The following FBXO10 variants were observed in gnomAD, a reference collection of about 807,000 sequenced individuals.
FBXO10 encodes F-box only protein 10.
A neutral mutation model predicts 80.7 loss-of-function variants in FBXO10; 39 were observed. That is an observed-to-expected ratio of 0.48 (90% CI 0.37 to 0.63). The LOEUF (loss-of-function observed/expected upper bound fraction) is 0.63, where lower values mean the gene tolerates loss of function less well. FBXO10 is among the 30% of genes least tolerant of loss of function. FBXO10 has a pLI of 0.00. For synonymous variants in FBXO10, 449 were observed against 489.6 expected, an observed-to-expected ratio of 0.92 and a Z score of 1.09; for missense variants, 1,025 against 1,269.0, an observed-to-expected ratio of 0.81 and a Z score of 2.92.
chr9:37,534,186 G>A (rs1310354608), intron 3 of FBXO10, among the ~76,000 whole-genome samples: 3 of 152,014 alleles, frequency 2.0e-5, no homozygotes, highest in Admixed American at 6.5e-5. Context: ...TATAAATTGT[G>A]TACTACTAAT....
rs148003884 is a variant in FBXO10 at position 37,536,996 on chromosome 9, G to A, written c.1419+114C>T. On this transcript the variant is annotated intron_variant, in intron 3 of 10. Coordinates refer to ENST00000432825, the MANE Select transcript of FBXO10 (RefSeq NM_012166.3). ...AATCAGATGATGGGCATGACGTCAAGCGTGCGTGAATAAGTTTAAAGAAAA... is the reference window on the plus strand; with the variant it reads ...AATCAGATGATGGGCATGACGTCAAACGTGCGTGAATAAGTTTAAAGAAAA... 2,148 of 752,470 alleles carry A rather than the reference G, an allele frequency of 2.9e-3. 11 individuals are homozygous for A. The highest frequency in any genetic ancestry group is 6.4e-3 in the South Asian group (336 of 52,352). 46.6% of individuals were successfully genotyped at this position (752,470 alleles called of 1,614,324 possible). A position where few individuals can be genotyped will look rare whatever the true frequency, so the allele number is the denominator to read the frequency against.
At chr9:37,555,103 T>C (rs1295638927) in intron 1 of FBXO10, among the ~76,000 whole-genome samples, 2 of 151,928 alleles carry the variant, frequency 1.3e-5, no homozygotes, top group African/African-American at 4.8e-5. Context: ...CAGGCTGGAG[T>C]GCTGTGGTGT....
chr9:37,540,616 T>C (rs981215139), intron 2 of FBXO10, among the ~76,000 whole-genome samples: 1 of 152,236 alleles, frequency 6.6e-6, no homozygotes, highest in South Asian at 2.1e-4. Flanking sequence ...CCTGCTTTAC[T>C]TTGAACCATC....
At chr9:37,552,449 C>T (rs1019489484) in intron 1 of FBXO10, among the ~76,000 whole-genome samples, 152 of 152,100 alleles carry the variant, frequency 1.0e-3, no homozygotes, top group African/African-American at 3.3e-3. Context: ...TTTGGGAGGC[C>T]GAGGCAGGAG....
chr9:37,557,579 TG>T lies in FBXO10; in HGVS notation c.-6-15806del, dbSNP rs1315448260. 5.9e-5 allele frequency among the ~76,000 whole-genome samples: 9 copies of T among 152,348 alleles called. 2 individuals are homozygous for T. The highest frequency in any genetic ancestry group is 2.2e-4 in the African/African-American group (9 of 41,570). The stretch of plus-strand genomic sequence containing the variant: ...ATTTTGCTGTCTTTCCATAAAGTTT[TG>T]GTGACCTATACGTGGTACTCTGAAT... On this transcript the variant is annotated intron_variant, in intron 1 of 10. Coordinates refer to ENST00000432825, the MANE Select transcript of FBXO10 (RefSeq NM_012166.3).
chr9:37,554,060 T>G (rs78937777), intron 1 of FBXO10, among the ~76,000 whole-genome samples: 8,617 of 152,288 alleles, frequency 0.057, 297 homozygotes, highest in South Asian at 0.14. Context: ...CTAATTTAGA[T>G]TTCTCCAGTT....
At chr9:37,520,850 G>T (rs139100726) in intron 8 of FBXO10, among the ~76,000 whole-genome samples, 128 of 152,286 alleles carry the variant, frequency 8.4e-4, no homozygotes, top group African/African-American at 3.0e-3. Flanking sequence ...GTACTGCAGG[G>T]ACAGGGGCAC....
intron 3 of FBXO10, among the ~76,000 whole-genome samples, chr9:37,536,521 T>G (rs1211790243): frequency 1.3e-5 from 2 of 152,166 alleles, no homozygotes; most frequent in Non-Finnish European, 2.9e-5. Flanking sequence ...GGATTCCAGG[T>G]CTGGGTAAGG....
At chr9:37,518,613 G>A (rs1821246719) in intron 8 of FBXO10, among the ~76,000 whole-genome samples, 175 bp from the exon 9 acceptor site, 1 of 152,188 alleles carries the variant, frequency 6.6e-6, no homozygotes, top group South Asian at 2.1e-4. Flanking sequence ...GAAACAGCAG[G>A]AGGAAATCCA....
chr9:37,537,196 A>C lies in FBXO10; in HGVS notation c.1333T>G (p.Phe445Val), dbSNP rs767064037. The C allele has an allele frequency of 1.1e-5, 18 of 1,613,856 alleles. No individual in the cohort carries two copies. The highest frequency in any genetic ancestry group is 5.3e-5 in the African/African-American group (4 of 74,950). ...CLFRDGKGGV[F>V]VCSHGRAKME... The stretch of plus-strand genomic sequence containing the variant: ...TTGGCTCTGCCGTGGGAGCAGACGA[A>C]GACGCCTCCCTTCCCGTCCCGGAAG... Residue 445 changes from phenylalanine to valine, a missense_variant, in exon 3 of 11, where the codon TTC (phenylalanine) becomes GTC (valine). By Grantham distance (50) the Phe-to-Val change is conservative (BLOSUM62 -1). Around this residue, in one of 3 missense-constraint regions of FBXO10, gnomAD observed 478 missense variants for 667.8 expected, o/e 0.72. Coordinates refer to ENST00000432825, the MANE Select transcript of FBXO10 (RefSeq NM_012166.3).
rs1010723215 is a variant in FBXO10, at chr9:37,573,807, T to C, written c.-7+2404A>G. Among the ~76,000 whole-genome samples, 11 of 152,330 alleles carry C rather than the reference T, an allele frequency of 7.2e-5. No individual in the cohort carries two copies. In the South Asian group the frequency reaches 2.3e-3, roughly 32 times the overall value. The stretch of plus-strand genomic sequence containing the variant: ...TGAAATAGACAAAATCTTAATCAAA[T>C]GTCTCTTTGTGTACATTCCTTTATG... On this transcript the variant is annotated intron_variant, in intron 1 of 10. Transcript: ENST00000432825.
chr9:37,525,505 TCA>T (rs1193838424), intron 5 of FBXO10, among the ~76,000 whole-genome samples: 1 of 152,166 alleles, frequency 6.6e-6, no homozygotes, highest in Non-Finnish European at 1.5e-5. Context: ...GATATCCAGT[TCA>T]CTGTAGCCTC....
intron 2 of FBXO10, among the ~76,000 whole-genome samples, chr9:37,540,149 C>A (rs1821873688): frequency 6.6e-6 from 1 of 151,862 alleles, no homozygotes; most frequent in South Asian, 2.1e-4. Context: ...ACATGAGAGA[C>A]AATTGTTATT....
chr9:37,533,279 C>G (rs1439381037), intron 3 of FBXO10, among the ~76,000 whole-genome samples: 1 of 152,198 alleles, frequency 6.6e-6, no homozygotes, highest in Non-Finnish European at 1.5e-5. Flanking sequence ...GGTGTGGTGG[C>G]TCACGTCTGT....
rs1004309449 is a variant in FBXO10, at chr9:37,521,824, C to G, written c.1945G>C (p.Gly649Arg). The change falls in exon 8 of 11, where the codon GGT becomes CGT. Residue 649 changes from glycine (G) to arginine (R), a missense_variant. By Grantham distance (125) the Gly-to-Arg change is moderately radical. Around this residue, in one of 3 missense-constraint regions of FBXO10, gnomAD observed 478 missense variants for 667.8 expected, o/e 0.72. Coordinates refer to ENST00000432825, the MANE Select transcript of FBXO10 (RefSeq NM_012166.3). ...AGGCTGGACGACATCATCCACACAC[C>G]ACAGCCCTTGTTAGCTGGGACAGTG... is the stretch of plus-strand genomic sequence containing the variant. ...GNTIYANKGC[G>R]VWMMSSSLPH... The G allele has an allele frequency of 6.3e-7, 1 of 1,586,636 alleles. No homozygotes were observed. The highest frequency in any genetic ancestry group is 1.3e-5 in the African/African-American group (1 of 74,834).
chr9:37,541,212 G>A lies in FBXO10; in HGVS notation c.557C>T (p.Pro186Leu), dbSNP rs977901575. 4.4e-6 allele frequency: 7 copies of A among 1,609,088 alleles called. No individual in the cohort carries two copies. The highest frequency in any genetic ancestry group is 5.1e-6 in the Non-Finnish European group (6 of 1,177,506). Residue 186 changes from proline (P) to leucine (L), a missense_variant, in exon 2 of 11, where the codon CCA becomes CTA. Physicochemically the swap from Pro to Leu is moderately conservative, Grantham distance 98. Coordinates refer to ENST00000432825, the MANE Select transcript of FBXO10 (RefSeq NM_012166.3). ...ATACATGATGGGTGAGAACCAGGCT[G>A]GCGTGAAGACGAGGTTGCACAGGCG... The part of the protein sequence containing the change: ...TTRLCNLVFT[P>L]AWFSPIMYKT...
chr9:37,519,516 A>T (rs1280146380), intron 8 of FBXO10, among the ~76,000 whole-genome samples: 2 of 152,136 alleles, frequency 1.3e-5, no homozygotes, highest in Non-Finnish European at 2.9e-5. Flanking sequence ...GGTTGTGTGC[A>T]GGACAATGAC....
rs147226530 is a variant in FBXO10 at position 37,523,644 on chromosome 9, G to A, written c.1778-667C>T. ...AAGGAAACAAAACAAAGAATAGGCC[G>A]GGTGCGGTGGCTCACGCCTGTAACC... On this transcript the variant is annotated intron_variant, in intron 6 of 10. Coordinates refer to ENST00000432825, the MANE Select transcript of FBXO10 (RefSeq NM_012166.3). Among the ~76,000 whole-genome samples the A allele has an allele frequency of 2.3e-3, 345 of 152,200 alleles. 2 individuals are homozygous for A. Among genetic ancestry groups the A allele is most frequent in the African/African-American group, 8.1e-3 (335 of 41,530 alleles).
chr9:37,531,456 C>T (rs1230428043), intron 4 of FBXO10, among the ~76,000 whole-genome samples: 1 of 152,188 alleles, frequency 6.6e-6, no homozygotes, highest in Non-Finnish European at 1.5e-5. Flanking sequence ...AAATCAAACT[C>T]AATATGCCCT....
Sources: allele counts gnomAD v4.1 joint callset (sites outside exome capture counted in the v4.1 genomes callset), GRCh38; gene constraint gnomAD v4.1.1; regional missense constraint gnomAD v4.1.1; transcripts MANE v1.5; gene names NCBI Gene and HGNC (gene_info 2026-07-23, HGNC 2026-07-21).